ANXA10: variants seen among roughly 807,000 people sequenced by gnomAD.
The protein encoded by ANXA10 is annexin A10.
A neutral mutation model predicts 53.5 loss-of-function variants in ANXA10; 49 were observed. That is an observed-to-expected ratio of 0.92 (90% CI 0.73 to 1.16). The LOEUF is 1.16. ANXA10 is among the 50% of genes most tolerant of loss of function. The probability of loss-of-function intolerance (pLI) is 0.00; values close to 1 mark genes in which losing one functional copy is unlikely to be tolerated. For synonymous variants in ANXA10, 131 were observed against 128.9 expected, an observed-to-expected ratio of 1.02 and a Z score of -0.11; for missense variants, 393 against 394.4, an observed-to-expected ratio of 1.00 and a Z score of 0.03.
intron 3 of ANXA10, among the ~76,000 whole-genome samples, chr4:168,152,365 G>A (rs1731512552): frequency 1.3e-5 from 2 of 152,174 alleles, no homozygotes; most frequent in Non-Finnish European, 2.9e-5. Context: ...AAAGAAGCCC[G>A]CTGTAGCCAG....
In ANXA10 at chr4:168,165,281, A is replaced by G. The variant is rs765630057; in HGVS notation, c.435A>G (p.Ser145=). The G allele has an allele frequency of 6.3e-7, 1 of 1,595,744 alleles. No individual in the cohort carries two copies. Among genetic ancestry groups the G allele is most frequent in the South Asian group, 1.1e-5 (1 of 87,980 alleles). ...ATAACCTCCAAGAGGACATTTATTCAGAGACCTCAGGACACTTCAGAGATA... is the reference window on the plus strand; with the variant it reads ...ATAACCTCCAAGAGGACATTTATTCGGAGACCTCAGGACACTTCAGAGATA... The part of the protein sequence containing the change: ...YSNNLQEDIY[S]ETSGHFRDTL... The change falls in exon 6 of 12, where the codon TCA becomes TCG. Residue 145 remains serine (S), a synonymous_variant. Coordinates refer to ENST00000359299, the MANE Select transcript of ANXA10 (RefSeq NM_007193.5).
chr4:168,153,036 G>A (rs1053122273), intron 3 of ANXA10, among the ~76,000 whole-genome samples: 1 of 151,874 alleles, frequency 6.6e-6, no homozygotes, highest in East Asian at 1.9e-4. Context: ...TGGAGACGGG[G>A]CTTCGCCATC....
intron 3 of ANXA10, among the ~76,000 whole-genome samples, chr4:168,162,167 G>T (rs1455340646): frequency 6.6e-6 from 1 of 152,086 alleles, no homozygotes. Flanking sequence ...AAGGAGTAAT[G>T]TTTCAGTAAT....
At chr4:168,109,434 G>A (rs149864195) in intron 1 of ANXA10, among the ~76,000 whole-genome samples, 2 of 151,894 alleles carry the variant, frequency 1.3e-5, no homozygotes, top group East Asian at 1.9e-4. Flanking sequence ...GAAGAAAATC[G>A]ATATCAAATA....
At chr4:168,159,998 G>A (rs373928193) in intron 3 of ANXA10, among the ~76,000 whole-genome samples, 5 of 152,080 alleles carry the variant, frequency 3.3e-5, no homozygotes, top group African/African-American at 1.2e-4. Flanking sequence ...TTTAAACACC[G>A]TTCAGATTTC....
intron 1 of ANXA10, among the ~76,000 whole-genome samples, chr4:168,123,852 A>G (rs1482817655): frequency 6.6e-6 from 1 of 152,146 alleles, no homozygotes; most frequent in Non-Finnish European, 1.5e-5. Flanking sequence ...AATTGTGACT[A>G]GTAAGGGGAG....
intron 1 of ANXA10, among the ~76,000 whole-genome samples, chr4:168,104,109 G>T (rs931751141): frequency 6.6e-6 from 1 of 151,822 alleles, no homozygotes; most frequent in East Asian, 1.9e-4. Flanking sequence ...AACATGAATA[G>T]ATGCTATACT....
intron 2 of ANXA10, among the ~76,000 whole-genome samples, chr4:168,138,213 G>A (rs774848973): frequency 3.3e-5 from 5 of 151,806 alleles, no homozygotes; most frequent in African/African-American, 9.7e-5. Flanking sequence ...CACCCACCTC[G>A]ACCCCCCAAA....
chr4:168,181,474 T>C (rs1045054571), intron 9 of ANXA10, among the ~76,000 whole-genome samples: 9 of 151,382 alleles, frequency 5.9e-5, no homozygotes, highest in African/African-American at 2.2e-4. Context: ...CAGATAGAAA[T>C]AGACCAAGTG....
chr4:168,148,931 C>T (rs1731449739), intron 3 of ANXA10, among the ~76,000 whole-genome samples: 1 of 151,978 alleles, frequency 6.6e-6, no homozygotes, highest in Non-Finnish European at 1.5e-5. Flanking sequence ...TAGTTATTTT[C>T]CCCTACATCT....
intron 3 of ANXA10, among the ~76,000 whole-genome samples, chr4:168,159,926 C>A (rs560545158): frequency 1.3e-5 from 2 of 152,210 alleles, no homozygotes; most frequent in African/African-American, 4.8e-5. Flanking sequence ...ACCTCAGAAC[C>A]AAAGTATTGC....
At chr4:168,143,722 A>G (rs1731362537) in intron 3 of ANXA10, among the ~76,000 whole-genome samples, 2 of 152,310 alleles carry the variant, frequency 1.3e-5, no homozygotes, top group South Asian at 4.1e-4. Context: ...TAAAACAGGG[A>G]CTATCCGGTC....
chr4:168,167,025 G>C (rs1053241783), intron 6 of ANXA10, among the ~76,000 whole-genome samples: 1 of 152,026 alleles, frequency 6.6e-6, no homozygotes, highest in African/African-American at 2.4e-5. Flanking sequence ...AGATAAAAAC[G>C]CAAGGTAGAT....
intron 2 of ANXA10, among the ~76,000 whole-genome samples, chr4:168,132,588 C>T (rs899182889): frequency 6.6e-6 from 1 of 151,890 alleles, no homozygotes; most frequent in Non-Finnish European, 1.5e-5. Flanking sequence ...TGACTATAGT[C>T]AATAATAACT....
At chr4:168,167,024 C>T (rs544760593) in intron 6 of ANXA10, among the ~76,000 whole-genome samples, 5 of 152,238 alleles carry the variant, frequency 3.3e-5, no homozygotes, top group Admixed American at 2.6e-4. Flanking sequence ...CAGATAAAAA[C>T]GCAAGGTAGA....
At chr4:168,157,024 C>T (rs970418452) in intron 3 of ANXA10, among the ~76,000 whole-genome samples, 8 of 152,032 alleles carry the variant, frequency 5.3e-5, no homozygotes, top group African/African-American at 1.4e-4. Context: ...GGTACACTAG[C>T]GTGGAAAAAA....
intron 6 of ANXA10, among the ~76,000 whole-genome samples, chr4:168,170,379 C>CTT (rs1731961069): frequency 6.6e-6 from 1 of 152,098 alleles, no homozygotes; most frequent in Admixed American, 6.5e-5. Flanking sequence ...CCACACACAA[C>CTT]TTTATTTCCT....
At chr4:168,173,952 G>C (rs770031977) in intron 6 of ANXA10, among the ~76,000 whole-genome samples, 1 of 152,064 alleles carries the variant, frequency 6.6e-6, no homozygotes, top group Non-Finnish European at 1.5e-5. Context: ...AAAAACGCTG[G>C]ACTCAGTCAG....
rs1363053786 is a variant in ANXA10 at position 168,177,744 on chromosome 4, C to G, written c.485C>G (p.Thr162Ser). 6.2e-7 allele frequency: 1 copy of G among 1,613,876 alleles called. No homozygotes were observed. The highest frequency in any genetic ancestry group is 1.3e-5 in the African/African-American group (1 of 74,862). ...RDTLMNLVQG[T>S]REEGYTDPAM... ...AAACCTGTGCTTACTTTACAGGGGA[C>G]CAGAGAGGAAGGATATACAGACCCT... The change falls in exon 7 of 12, where the codon ACC becomes AGC. Residue 162 changes from threonine (T) to serine (S), a missense_variant. Physicochemically the swap from Thr to Ser is moderately conservative, Grantham distance 58. Coordinates refer to ENST00000359299, the MANE Select transcript of ANXA10 (RefSeq NM_007193.5).
Sources: gnomAD v4.1 joint callset for allele counts (sites outside exome capture counted in the v4.1 genomes callset) on GRCh38, gnomAD v4.1.1 for gene constraint, MANE v1.5 for transcripts, NCBI Gene and HGNC (gene_info 2026-07-23, HGNC 2026-07-21) for gene names.